Variants in MEGF11 observed in about 807,000 individuals in gnomAD.
The protein encoded by MEGF11 is multiple epidermal growth factor-like domains protein 11.
In MEGF11, 126 loss-of-function variants were observed where a neutral mutation model predicts 146.6. The observed-to-expected ratio is 0.86, with a 90% CI of 0.74 to 1.00. MEGF11 has a LOEUF of 1.00. Ranked by LOEUF, MEGF11 falls within the 50% of genes least tolerant of loss-of-function variation. MEGF11 has a pLI of 0.00. For missense variants in MEGF11, 1,509 were observed against 1,521.2 expected, an observed-to-expected ratio of 0.99 and a Z score of 0.13; for synonymous variants, 532 against 583.4, an observed-to-expected ratio of 0.91 and a Z score of 1.27.
At chr15:66,039,504 TCA>T (rs1768128854) in intron 5 of MEGF11, among the ~76,000 whole-genome samples, 1 of 152,232 alleles carries the variant, frequency 6.6e-6, no homozygotes, top group African/African-American at 2.4e-5. Context: ...CATTTGGTTC[TCA>T]CAGATAGGCA....
Position 65,916,918 on chromosome 15 carries a change from C to T in MEGF11, c.2125G>A (p.Ala709Thr), listed in dbSNP as rs1024954197. The part of the protein sequence containing the change: ...PGFWGPACFH[A>T]CSCHNGASCS... ...CTCGCCCCGTTGTGGCAGCTGCATG[C>T]GTGGAAGCAGGCGGGGCCCCAGAAC... is the stretch of plus-strand genomic sequence containing the variant. Residue 709 changes from alanine to threonine, a missense_variant, in exon 17 of 26, where the codon GCA becomes ACA. Transcript: ENST00000395614. 4.5e-6 allele frequency: 7 copies of T among 1,566,288 alleles called. No individual in the cohort carries two copies. Among genetic ancestry groups the T allele is most frequent in the Admixed American group, 3.7e-5 (2 of 53,698 alleles).
chr15:66,242,652 T>C (rs948042695), intron 1 of MEGF11, among the ~76,000 whole-genome samples: 11 of 152,280 alleles, frequency 7.2e-5, no homozygotes, highest in African/African-American at 2.6e-4. Flanking sequence ...GACCCAACTC[T>C]TGATGATACC....
At chr15:65,939,462 A>G (rs2079902711) in intron 10 of MEGF11, among the ~76,000 whole-genome samples, 1 of 150,336 alleles carries the variant, frequency 6.7e-6, no homozygotes, top group Non-Finnish European at 1.5e-5. Flanking sequence ...ACTAGACTAG[A>G]TGAGACCTAA....
At chr15:66,156,643 T>C (rs931911993) in intron 1 of MEGF11, among the ~76,000 whole-genome samples, 1 of 152,034 alleles carries the variant, frequency 6.6e-6, no homozygotes, top group African/African-American at 2.4e-5. Context: ...CCTCTGTGGC[T>C]GTGCACCCTG....
intron 1 of MEGF11, among the ~76,000 whole-genome samples, chr15:66,176,979 C>T (rs1191431866): frequency 6.6e-6 from 1 of 152,220 alleles, no homozygotes; most frequent in African/African-American, 2.4e-5. Flanking sequence ...CCACTCCCTC[C>T]CTTACCATTT....
chr15:66,125,279 A>T (rs2088281309), intron 2 of MEGF11, among the ~76,000 whole-genome samples: 1 of 152,186 alleles, frequency 6.6e-6, no homozygotes, highest in African/African-American at 2.4e-5. Context: ...ATCTAGGAAA[A>T]AAACAGCCCA....
At chr15:65,940,577 G>A (rs748311609) in intron 10 of MEGF11, among the ~76,000 whole-genome samples, 7 of 152,238 alleles carry the variant, frequency 4.6e-5, no homozygotes, top group Admixed American at 1.3e-4. Flanking sequence ...TAATTGGTGC[G>A]TCACTGATAA....
At chr15:66,150,951 G>C (rs2089552525) in intron 1 of MEGF11, among the ~76,000 whole-genome samples, 1 of 151,820 alleles carries the variant, frequency 6.6e-6, no homozygotes, top group South Asian at 2.1e-4. Flanking sequence ...CCATCCCCTT[G>C]CCACCAGGAT....
intron 1 of MEGF11, among the ~76,000 whole-genome samples, chr15:66,252,140 G>A (rs888084519): frequency 6.6e-6 from 1 of 152,186 alleles, no homozygotes; most frequent in East Asian, 1.9e-4. Context: ...GGCGAATCCG[G>A]CCCCTCCGAC....
rs73479382 is a variant in MEGF11, at chr15:65,922,552, C to G, written c.1823-80G>C. On this transcript the variant is annotated intron_variant, in intron 14 of 25. Transcript: ENST00000395614. Reference sequence around the variant, plus strand: ...GCTACCCTTCCTGTTCCACACTTCTCAGAAACATGGGGAGACCTGCATCCT... The same window carrying G: ...GCTACCCTTCCTGTTCCACACTTCTGAGAAACATGGGGAGACCTGCATCCT... 1,141 of 1,464,582 alleles carry G rather than the reference C, an allele frequency of 7.8e-4. 8 individuals are homozygous for G. The African/African-American group carries it at 0.015, about 19-fold the overall frequency. The allele number at this position is 1,464,582 out of a possible 1,614,324, so 90.7% of individuals were successfully genotyped here.
chr15:66,122,088 C>T (rs2140927019), intron 3 of MEGF11, among the ~76,000 whole-genome samples: 1 of 152,158 alleles, frequency 6.6e-6, no homozygotes, highest in East Asian at 1.9e-4. Context: ...TATGGCGAAA[C>T]CCCATCTCTA....
chr15:65,995,276 A>G (rs2082167135), intron 5 of MEGF11, among the ~76,000 whole-genome samples: 1 of 152,230 alleles, frequency 6.6e-6, no homozygotes, highest in South Asian at 2.1e-4. Context: ...CAAACTCTCC[A>G]TGGGGAAAGA....
chr15:66,177,832 A>T (rs1242661447), intron 1 of MEGF11, among the ~76,000 whole-genome samples: 1 of 151,900 alleles, frequency 6.6e-6, no homozygotes, highest in Non-Finnish European at 1.5e-5. Flanking sequence ...CTACAGATGC[A>T]TGACACCAGG....
intron 10 of MEGF11, among the ~76,000 whole-genome samples, chr15:65,944,605 G>A (rs538862388): frequency 2.8e-4 from 42 of 152,296 alleles, no homozygotes; most frequent in African/African-American, 9.6e-4. Flanking sequence ...GGAGATAAAA[G>A]AGGGCCCCCT....
intron 5 of MEGF11, among the ~76,000 whole-genome samples, chr15:66,026,975 C>T (rs1597005513): frequency 1.3e-5 from 2 of 152,220 alleles, no homozygotes; most frequent in African/African-American, 4.8e-5. Context: ...TCTTCTTTTA[C>T]CTGGAAGGAC....
intron 1 of MEGF11, among the ~76,000 whole-genome samples, chr15:66,252,732 A>C (rs2092393733): frequency 1.3e-5 from 2 of 152,218 alleles, no homozygotes; most frequent in South Asian, 4.1e-4. Flanking sequence ...AATTAGGAAA[A>C]TAAACCAAGT....
chr15:66,192,027 G>A (rs1212178187), intron 1 of MEGF11, among the ~76,000 whole-genome samples: 1 of 151,970 alleles, frequency 6.6e-6, no homozygotes, highest in Non-Finnish European at 1.5e-5. Flanking sequence ...GCAGTGAGCC[G>A]AGATCACGCC....
chr15:66,185,341 A>C (rs34270365), intron 1 of MEGF11, among the ~76,000 whole-genome samples: 20,149 of 151,966 alleles, frequency 0.13, 1,625 homozygotes, highest in Non-Finnish European at 0.19. Flanking sequence ...CCTAATCCTT[A>C]CCATTCCTCT....
intron 1 of MEGF11, among the ~76,000 whole-genome samples, chr15:66,216,371 T>C (rs2091583476): frequency 6.6e-6 from 1 of 152,146 alleles, no homozygotes; most frequent in African/African-American, 2.4e-5. Flanking sequence ...TAAGGAGACA[T>C]TGAGGCACAG....
Sources: allele counts gnomAD v4.1 joint callset (sites outside exome capture counted in the v4.1 genomes callset), GRCh38; gene constraint gnomAD v4.1.1; transcripts MANE v1.5; gene names NCBI Gene and HGNC (gene_info 2026-07-23, HGNC 2026-07-21).